The following PXDNL variants were observed in gnomAD, a reference collection of about 807,000 sequenced individuals.
PXDNL encodes the protein probable oxidoreductase PXDNL.
Under a neutral mutation model 150.8 loss-of-function variants are expected in PXDNL, and 145 were observed. That is an observed-to-expected ratio of 0.96 (90% CI 0.84 to 1.10). PXDNL has a LOEUF of 1.10. Ranked by LOEUF, PXDNL falls within the 50% of genes least tolerant of loss-of-function variation. PXDNL has a pLI of 0.00. For missense variants in PXDNL, 2,087 were observed against 1,873.9 expected (o/e 1.11, Z -2.10); for synonymous variants, 757 against 725.7 (o/e 1.04, Z -0.69).
At chr8:51,368,132 TCAAAACAAAA>T (rs201867647) in intron 19 of PXDNL, among the ~76,000 whole-genome samples, 2 of 151,974 alleles carry the variant, frequency 1.3e-5, no homozygotes, top group African/African-American at 2.4e-5. Context: ...AAACTCCATC[TCAAAACAAAA>T]CAAAACAAAA....
chr8:51,521,864 A>G (rs1811672328), intron 4 of PXDNL, among the ~76,000 whole-genome samples: 1 of 152,214 alleles, frequency 6.6e-6, no homozygotes, highest in African/African-American at 2.4e-5. Flanking sequence ...AACAGAGTGA[A>G]TTATTTAAAA....
chr8:51,737,597 C>G (rs1453485284), intron 1 of PXDNL, among the ~76,000 whole-genome samples: 1 of 152,206 alleles, frequency 6.6e-6, no homozygotes. Flanking sequence ...ACCTCATGGT[C>G]TTTGCTCCTC....
chr8:51,536,223 A>G (rs1483678214), intron 4 of PXDNL, among the ~76,000 whole-genome samples: 1 of 152,236 alleles, frequency 6.6e-6, no homozygotes, highest in African/African-American at 2.4e-5. Flanking sequence ...TTATACAGTT[A>G]TAGAGCTTGA....
chr8:51,409,279 A>G lies in PXDNL; in HGVS notation c.2345T>C (p.Leu782Pro). Residue 782 changes from leucine to proline, a missense_variant, in exon 17 of 23, where the codon CTG becomes CCG. Transcript: ENST00000356297. Reference protein sequence around the residue: ...GSRQPLPPPRLVATVWARAAA... With the variant: ...GSRQPLPPPRPVATVWARAAA... ...CGCGCGCGCCCACACTGTGGCGACC[A>G]GCCGGGGCGGCGGGAGGGGCTGGCG... 7 of 1,429,964 alleles carry G rather than the reference A, an allele frequency of 4.9e-6. No individual in the cohort carries two copies. The highest frequency in any genetic ancestry group is 3.6e-6 in the Non-Finnish European group (4 of 1,098,296). The allele number at this position is 1,429,964 out of a possible 1,614,324, so 88.6% of individuals were successfully genotyped here.
intron 1 of PXDNL, among the ~76,000 whole-genome samples, chr8:51,693,286 A>C (rs1025278774): frequency 2.0e-5 from 3 of 152,230 alleles, no homozygotes; most frequent in African/African-American, 7.2e-5. Flanking sequence ...TAAAGAATGT[A>C]CTGAAGATTT....
intron 6 of PXDNL, among the ~76,000 whole-genome samples, chr8:51,481,643 G>GC (rs984416205): frequency 2.6e-5 from 4 of 152,144 alleles, no homozygotes; most frequent in African/African-American, 9.7e-5. Context: ...TGGGCCTAGG[G>GC]CCCCCCTGAT....
intron 5 of PXDNL, among the ~76,000 whole-genome samples, chr8:51,498,182 C>T (rs767765285): frequency 3.3e-5 from 5 of 149,652 alleles, no homozygotes; most frequent in Admixed American, 6.8e-5. Context: ...ATCGCAAGGA[C>T]AGAAAACGAA....
intron 16 of PXDNL, among the ~76,000 whole-genome samples, chr8:51,410,964 A>T (rs1413814543): frequency 6.6e-6 from 1 of 152,240 alleles, no homozygotes; most frequent in Non-Finnish European, 1.5e-5. Context: ...ACACAATAAT[A>T]TCTTTTACAT....
At chr8:51,441,762 T>C (rs1809555432) in intron 12 of PXDNL, among the ~76,000 whole-genome samples, 1 of 152,132 alleles carries the variant, frequency 6.6e-6, no homozygotes, top group Admixed American at 6.6e-5. Context: ...AAATGCCCTG[T>C]AGGACTGTCC....
At chr8:51,608,385 T>C (rs1585617779) in intron 2 of PXDNL, among the ~76,000 whole-genome samples, 1 of 77,462 alleles carries the variant, frequency 1.3e-5, no homozygotes, top group African/African-American at 1.0e-4. Flanking sequence ...AGAGACTCCG[T>C]CAAAAAAAAA....
At position 51,409,541 on chromosome 8, in the gene PXDNL, C is replaced by T; in HGVS notation, c.2083G>A (p.Val695Met). ...EGKEFRYNDL[V>M]SPRSLSLIAN... is the part of the protein sequence containing the mutation. Reference sequence around the variant, plus strand: ...ATGAGGCTGAGGGAGCGCGGGGACACCAAGTCATTGTACCGGAATTCTGAA... The same window carrying T: ...ATGAGGCTGAGGGAGCGCGGGGACATCAAGTCATTGTACCGGAATTCTGAA... The change falls in exon 17 of 23, where the codon GTG (valine) becomes ATG (methionine). Residue 695 changes from valine (V) to methionine (M), a missense_variant. Val to Met is a conservative substitution (Grantham distance 21). Coordinates refer to ENST00000356297, the MANE Select transcript of PXDNL (RefSeq NM_144651.5). 2 of 1,589,454 alleles carry T rather than the reference C, an allele frequency of 1.3e-6. No individual in the cohort carries two copies. The highest frequency in any genetic ancestry group is 1.7e-6 in the Non-Finnish European group (2 of 1,166,758).
intron 4 of PXDNL, among the ~76,000 whole-genome samples, chr8:51,504,172 C>A (rs1811240397): frequency 6.6e-6 from 1 of 152,188 alleles, no homozygotes; most frequent in Non-Finnish European, 1.5e-5. Context: ...CTAGAGCAAA[C>A]TATACCCTCG....
intron 4 of PXDNL, among the ~76,000 whole-genome samples, chr8:51,529,382 TCTTACTTGA>T (rs1455484751): frequency 1.3e-5 from 2 of 152,188 alleles, no homozygotes; most frequent in African/African-American, 4.8e-5. Flanking sequence ...TCCACCATCA[TCTTACTTGA>T]CTTATCAACA....
chr8:51,592,250 A>G (rs7815071), intron 3 of PXDNL, among the ~76,000 whole-genome samples: 7,547 of 151,902 alleles, frequency 0.05, 432 homozygotes, highest in African/African-American at 0.14. Flanking sequence ...GGTCTTGGAT[A>G]GATACTCTGT....
rs200430969 is a variant in PXDNL, at chr8:51,408,722, C to T, written c.2902G>A (p.Ala968Thr). Residue 968 changes from alanine to threonine, a missense_variant, in exon 17 of 23, where the codon GCC becomes ACC. Transcript: ENST00000356297. ...CGGAACCACAGGGTGTGCATGGCGG[C>T]CAGAGCCAGATGCTCGTTGGCCCGG... ...DHRANEHLAL[A>T]AMHTLWFREH... is the part of the protein sequence containing the mutation. 3.1e-6 allele frequency: 5 copies of T among 1,591,470 alleles called. No individual in the cohort carries two copies. The East Asian group carries it at 1.1e-4, about 36-fold the overall frequency.
At chr8:51,385,066 T>C (rs975553922) in intron 17 of PXDNL, among the ~76,000 whole-genome samples, 1 of 152,268 alleles carries the variant, frequency 6.6e-6, no homozygotes, top group East Asian at 1.9e-4. Flanking sequence ...CCATATCCAA[T>C]AAAAATTCAC....
chr8:51,536,886 C>T (rs537097776), intron 4 of PXDNL, among the ~76,000 whole-genome samples: 2 of 152,300 alleles, frequency 1.3e-5, no homozygotes, highest in South Asian at 4.2e-4. Context: ...GACATTTTCA[C>T]GACTTCTATT....
In PXDNL at chr8:51,408,960, G is replaced by C. The variant is rs972070433; in HGVS notation, c.2664C>G (p.Asn888Lys). 1.2e-6 allele frequency: 2 copies of C among 1,612,568 alleles called. No individual in the cohort carries two copies. The highest frequency in any genetic ancestry group is 2.7e-5 in the African/African-American group (2 of 74,956). The stretch of plus-strand genomic sequence containing the variant: ...AGCCATCGATGTAGGCTGTTTGCTG[G>C]TTGATCTGCTCTCGTGCATAGACTG... ...VDSVYAREQI[N>K]QQTAYIDGSN... Residue 888 changes from asparagine to lysine, a missense_variant, in exon 17 of 23, where the codon AAC becomes AAG. Transcript: ENST00000356297.
chr8:51,756,116 G>A (rs1002533142), intron 1 of PXDNL, among the ~76,000 whole-genome samples: 6 of 151,910 alleles, frequency 3.9e-5, no homozygotes, highest in East Asian at 3.9e-4. Context: ...GAATTCAACC[G>A]GGTGCAGTGG....
Sources: gnomAD v4.1 joint callset for allele counts (sites outside exome capture counted in the v4.1 genomes callset) on GRCh38, gnomAD v4.1.1 for gene constraint, MANE v1.5 for transcripts, NCBI Gene and HGNC (gene_info 2026-07-23, HGNC 2026-07-21) for gene names.